REEP3: variants seen among roughly 807,000 people sequenced by gnomAD.
The protein encoded by REEP3 is receptor expression-enhancing protein 3.
REEP3 carries 20 observed loss-of-function variants against 41.3 expected under a neutral mutation model. The observed-to-expected ratio is 0.48, with a 90% CI of 0.34 to 0.70. The LOEUF is 0.70. REEP3 is among the 30% of genes least tolerant of loss of function. The probability of loss-of-function intolerance (pLI) is 0.01; values close to 1 mark genes in which losing one functional copy is unlikely to be tolerated. For synonymous variants in REEP3, 104 were observed against 101.8 expected (o/e 1.02, Z -0.13); for missense variants, 271 against 308.8 (o/e 0.88, Z 0.92).
At position 63,621,613 on chromosome 10, in the gene REEP3, A is replaced by G. The variant is rs1956354153; in HGVS notation, c.*744A>G. ...AAATTCATTGGATTTTAATAATATAAAAGTATAGCTAATTGTTCAGTTTTA... is the reference window on the plus strand; with the variant it reads ...AAATTCATTGGATTTTAATAATATAGAAGTATAGCTAATTGTTCAGTTTTA... On this transcript the variant is annotated 3_prime_UTR_variant, in exon 8 of 8. Coordinates refer to ENST00000373758, the MANE Select transcript of REEP3 (RefSeq NM_001001330.3). 6.6e-6 allele frequency: 1 copy of G among 152,646 alleles called. No individual in the cohort carries two copies. The highest frequency in any genetic ancestry group is 6.5e-5 in the Admixed American group (1 of 15,280). 9.5% of individuals were successfully genotyped at this position (152,646 alleles called of 1,614,324 possible). A position where few individuals can be genotyped will look rare whatever the true frequency, so the allele number is the denominator to read the frequency against.
rs1302035875 is a variant in REEP3 at position 63,521,456 on chromosome 10, C to A, written c.-90C>A. The A allele has an allele frequency of 6.2e-6, 5 of 805,182 alleles. No homozygotes were observed. The highest frequency in any genetic ancestry group is 8.2e-6 in the Non-Finnish European group (5 of 610,058). 49.9% of individuals were successfully genotyped at this position (805,182 alleles called of 1,614,324 possible). The stretch of plus-strand genomic sequence containing the variant: ...GCGCGGCCCCGGGGAGCGCGAGGAG[C>A]CGGCGAAGCGCGCGGCCTGCCGTTG... On this transcript the variant is annotated 5_prime_UTR_variant, in exon 1 of 8. Transcript: ENST00000373758.
chr10:63,613,350 T>C (rs1176083929), intron 6 of REEP3, among the ~76,000 whole-genome samples: 1 of 152,214 alleles, frequency 6.6e-6, no homozygotes, highest in Non-Finnish European at 1.5e-5. Context: ...TATCTTAAAA[T>C]ATTGACCTGC....
At chr10:63,588,858 G>A (rs987517523) in intron 2 of REEP3, among the ~76,000 whole-genome samples, 22 of 152,184 alleles carry the variant, frequency 1.4e-4, no homozygotes, top group Non-Finnish European at 2.4e-4. Context: ...CCTGAAGCAA[G>A]TGAGCAAGCT....
chr10:63,601,039 A>G (rs1956167670), intron 5 of REEP3, among the ~76,000 whole-genome samples: 1 of 152,026 alleles, frequency 6.6e-6, no homozygotes. Context: ...CTGTAATCCC[A>G]GCTACTCGGG....
At chr10:63,605,466 T>C (rs947635040) in intron 5 of REEP3, among the ~76,000 whole-genome samples, 2 of 152,208 alleles carry the variant, frequency 1.3e-5, no homozygotes, top group African/African-American at 2.4e-5. Context: ...CTGAATAGTA[T>C]AATAAGAATT....
At chr10:63,546,768 T>A (rs922724978) in intron 1 of REEP3, among the ~76,000 whole-genome samples, 1 of 152,240 alleles carries the variant, frequency 6.6e-6, no homozygotes, top group African/African-American at 2.4e-5. Context: ...GAAAGATGGC[T>A]ATTCGCAATT....
intron 2 of REEP3, among the ~76,000 whole-genome samples, chr10:63,589,943 C>T (rs887996747): frequency 1.3e-5 from 2 of 151,710 alleles, no homozygotes; most frequent in Non-Finnish European, 1.5e-5. Context: ...TACAGACACG[C>T]ACTACCATGC....
intron 1 of REEP3, among the ~76,000 whole-genome samples, chr10:63,532,569 T>G (rs978312393): frequency 2.7e-5 from 4 of 150,470 alleles, no homozygotes; most frequent in Non-Finnish European, 4.4e-5. Flanking sequence ...GGAGGCAGAA[T>G]GGCGTGAACC....
At chr10:63,602,692 T>G (rs1349743063) in intron 5 of REEP3, among the ~76,000 whole-genome samples, 1 of 152,194 alleles carries the variant, frequency 6.6e-6, no homozygotes, top group Non-Finnish European at 1.5e-5. Flanking sequence ...GTGCAGTACT[T>G]GTTTTATTTT....
intron 2 of REEP3, among the ~76,000 whole-genome samples, chr10:63,590,430 G>A (rs185220418): frequency 1.4e-4 from 22 of 152,290 alleles, no homozygotes; most frequent in African/African-American, 5.1e-4. Flanking sequence ...TTAATGAAAA[G>A]GAGGGTATAT....
chr10:63,585,337 A>G (rs1955995162), intron 2 of REEP3, among the ~76,000 whole-genome samples: 1 of 152,238 alleles, frequency 6.6e-6, no homozygotes, highest in South Asian at 2.1e-4. Flanking sequence ...AGTACGGTAC[A>G]CAGAGATTAT....
At chr10:63,601,287 A>G (rs1345397075) in intron 5 of REEP3, among the ~76,000 whole-genome samples, 1 of 152,212 alleles carries the variant, frequency 6.6e-6, no homozygotes, top group Non-Finnish European at 1.5e-5. Context: ...AGAACTATTA[A>G]CAGTCAAGCT....
intron 1 of REEP3, among the ~76,000 whole-genome samples, chr10:63,557,876 C>A (rs1281629955): frequency 1.3e-5 from 2 of 152,162 alleles, no homozygotes; most frequent in African/African-American, 4.8e-5. Flanking sequence ...AGATTTGATT[C>A]TGAGTTTCCT....
chr10:63,521,657 G>A, intron 1 of REEP3, 80 bp downstream of exon 1: 3 of 1,096,474 alleles, frequency 2.7e-6, no homozygotes, highest in Non-Finnish European at 3.6e-6. Context: ...GAGAGGAAAG[G>A]GAAGGCCTGG....
At chr10:63,553,277 A>C (rs1045976830) in intron 1 of REEP3, among the ~76,000 whole-genome samples, 1 of 152,170 alleles carries the variant, frequency 6.6e-6, no homozygotes, top group Admixed American at 6.5e-5. Context: ...GATTTGAATA[A>C]ATGGAATGAA....
At chr10:63,542,673 G>T (rs1398092400) in intron 1 of REEP3, among the ~76,000 whole-genome samples, 2 of 152,050 alleles carry the variant, frequency 1.3e-5, no homozygotes, top group African/African-American at 4.8e-5. Context: ...CAACCCTTTT[G>T]TAAGAACATT....
rs781008184 is a variant in REEP3 at position 63,598,080 on chromosome 10, A to T, written c.239A>T (p.Tyr80Phe). ...IAFVIWLLSP[Y>F]TKGASLIYRK... ...TTTGTCATATGGCTGCTTTCTCCCTATACCAAAGGAGCAAGTTTAATATAT... is the reference window on the plus strand; with the variant it reads ...TTTGTCATATGGCTGCTTTCTCCCTTTACCAAAGGAGCAAGTTTAATATAT... The change falls in exon 4 of 8, where the codon TAT becomes TTT. Residue 80 changes from tyrosine (Y) to phenylalanine (F), a missense_variant. Physicochemically the swap from Tyr to Phe is conservative, Grantham distance 22. Transcript: ENST00000373758. 4.4e-6 allele frequency: 7 copies of T among 1,602,390 alleles called. No homozygotes were observed. The highest frequency in any genetic ancestry group is 6.0e-6 in the Non-Finnish European group (7 of 1,169,444).
intron 1 of REEP3, among the ~76,000 whole-genome samples, chr10:63,524,448 T>TC (rs1454585816): frequency 6.6e-6 from 1 of 152,022 alleles, no homozygotes; most frequent in Non-Finnish European, 1.5e-5. Flanking sequence ...CTTTTTTTTT[T>TC]CTTTTTTGAG....
chr10:63,551,874 C>A (rs1464694963), intron 1 of REEP3, among the ~76,000 whole-genome samples: 1 of 152,088 alleles, frequency 6.6e-6, no homozygotes, highest in Non-Finnish European at 1.5e-5. Context: ...TTATTAGTTT[C>A]TTAATTGTGG....
Sources: gnomAD v4.1 joint callset for allele counts (sites outside exome capture counted in the v4.1 genomes callset) on GRCh38, gnomAD v4.1.1 for gene constraint, MANE v1.5 for transcripts, NCBI Gene and HGNC (gene_info 2026-07-23, HGNC 2026-07-21) for gene names.